SLIT2: variants seen among roughly 807,000 people sequenced by gnomAD.
SLIT2 encodes slit homolog 2 protein.
Under a neutral mutation model 185.7 loss-of-function variants are expected in SLIT2, and 41 were observed. The ratio of observed to expected loss-of-function variants is 0.22; its 90% CI spans 0.17 to 0.29. The LOEUF (loss-of-function observed/expected upper bound fraction) is 0.29. Among genes scored for constraint, SLIT2 ranks in the 10% least tolerant of loss-of-function variants. SLIT2 has a pLI of 1.00. For synonymous variants in SLIT2, 693 were observed against 680.2 expected, an observed-to-expected ratio of 1.02 and a Z score of -0.29; for missense variants, 1,571 against 1,909.0, an observed-to-expected ratio of 0.82 and a Z score of 3.30.
chr4:20,384,711 G>A (rs1724798694), intron 4 of SLIT2, among the ~76,000 whole-genome samples: 2 of 152,060 alleles, frequency 1.3e-5, no homozygotes, highest in Admixed American at 6.6e-5. Context: ...GCCACATAAG[G>A]AGATTAGCAC....
At chr4:20,560,647 T>G (rs951908418) in intron 26 of SLIT2, among the ~76,000 whole-genome samples, 1 of 151,952 alleles carries the variant, frequency 6.6e-6, no homozygotes, top group Admixed American at 6.6e-5. Context: ...AATATTCCCT[T>G]TATTTCTCTT....
At chr4:20,472,416 CTA>C (rs1235533040) in intron 5 of SLIT2, among the ~76,000 whole-genome samples, 28 of 55,522 alleles carry the variant, frequency 5.0e-4, no homozygotes, top group South Asian at 3.8e-3. Context: ...ATCTATATAT[CTA>C]TATATATAGA....
intron 4 of SLIT2, among the ~76,000 whole-genome samples, chr4:20,437,435 G>C (rs1175104828): frequency 6.6e-6 from 1 of 152,006 alleles, no homozygotes; most frequent in Non-Finnish European, 1.5e-5. Flanking sequence ...GGCAACATAG[G>C]GAGACCCTGT....
intron 4 of SLIT2, among the ~76,000 whole-genome samples, chr4:20,454,455 A>C (rs984866801): frequency 4.6e-5 from 7 of 152,308 alleles, no homozygotes; most frequent in Non-Finnish European, 8.8e-5. Context: ...ACAAGTTGGC[A>C]TACTCATTTA....
chr4:20,613,695 A>G (rs926007705), intron 34 of SLIT2, among the ~76,000 whole-genome samples: 3 of 152,164 alleles, frequency 2.0e-5, no homozygotes, highest in Admixed American at 1.3e-4. Flanking sequence ...AACTTAAGAT[A>G]AAAGTTAAAA....
At position 20,539,458 on chromosome 4, in the gene SLIT2, G is replaced by A. The variant is rs372629514; in HGVS notation, c.1850G>A (p.Arg617Gln). The A allele has an allele frequency of 4.3e-5, 70 of 1,612,194 alleles. No individual in the cohort carries two copies. The highest frequency in any genetic ancestry group is 3.3e-4 in the Middle Eastern group (2 of 6,050). Residue 617 changes from arginine to glutamine, a missense_variant, in exon 19 of 37, where the codon CGA becomes CAA. Physicochemically the swap from Arg to Gln is conservative, Grantham distance 43. This residue lies in a region of SLIT2 where 1,202 missense variants were observed against 1,416.4 expected (regional missense o/e 0.85). Transcript: ENST00000504154. ...SLKTLMLRSN[R>Q]ITCVGNDSFI... ...CCCCTCAGGATGTTGAGAAGCAATC[G>A]AATAACCTGTGTGGGGAATGACAGT...
chr4:20,380,218 A>G (rs939782223), intron 4 of SLIT2, among the ~76,000 whole-genome samples: 2 of 152,318 alleles, frequency 1.3e-5, no homozygotes, highest in South Asian at 4.1e-4. Context: ...TTAGTCCCAG[A>G]TCAAATGCTC....
At chr4:20,511,201 A>T in intron 11 of SLIT2, 64 bp downstream of exon 11, 1 of 911,078 alleles carries the variant, frequency 1.1e-6, no homozygotes, top group Non-Finnish European at 1.8e-6. Flanking sequence ...TACCTTTTTT[A>T]AATTGGGGTT....
intron 4 of SLIT2, among the ~76,000 whole-genome samples, chr4:20,341,628 A>T (rs952988871): frequency 6.6e-6 from 1 of 152,208 alleles, no homozygotes; most frequent in African/African-American, 2.4e-5. Flanking sequence ...ATCTAGGGGA[A>T]GTATTCAGGT....
At chr4:20,280,993 C>T (rs747537475) in intron 4 of SLIT2, among the ~76,000 whole-genome samples, 91 of 152,072 alleles carry the variant, frequency 6.0e-4, no homozygotes, top group Non-Finnish European at 9.1e-4. Context: ...CCACCACGCC[C>T]GGCTGATTTT....
intron 4 of SLIT2, among the ~76,000 whole-genome samples, chr4:20,397,367 C>T (rs1250549519): frequency 6.6e-6 from 1 of 151,782 alleles, no homozygotes; most frequent in Non-Finnish European, 1.5e-5. Flanking sequence ...AATAGGATAA[C>T]AGATACTACA....
intron 4 of SLIT2, among the ~76,000 whole-genome samples, chr4:20,428,012 T>A (rs1480225798): frequency 1.3e-5 from 2 of 152,120 alleles, no homozygotes; most frequent in Non-Finnish European, 2.9e-5. Flanking sequence ...ACTACCACAA[T>A]GCAAAGTCAG....
intron 3 of SLIT2, among the ~76,000 whole-genome samples, 193 bp downstream of exon 3, chr4:20,258,132 A>T (rs1712048187): frequency 6.6e-6 from 1 of 151,904 alleles, no homozygotes; most frequent in African/African-American, 2.4e-5. Context: ...CTTGTAATTA[A>T]GCTCAAAAAT....
At chr4:20,292,991 A>G (rs1319645420) in intron 4 of SLIT2, among the ~76,000 whole-genome samples, 2 of 152,178 alleles carry the variant, frequency 1.3e-5, no homozygotes, top group African/African-American at 2.4e-5. Flanking sequence ...GGCAATAGAG[A>G]CTTCACTTTA....
At chr4:20,321,002 A>G (rs1719029753) in intron 4 of SLIT2, among the ~76,000 whole-genome samples, 1 of 152,198 alleles carries the variant, frequency 6.6e-6, no homozygotes, top group African/African-American at 2.4e-5. Context: ...TGTCTCTGCT[A>G]AAAATTAGCC....
chr4:20,543,074 CT>C (rs573556407), intron 21 of SLIT2, among the ~76,000 whole-genome samples: 57 of 148,790 alleles, frequency 3.8e-4, no homozygotes, highest in South Asian at 8.6e-4. Flanking sequence ...GTACAGGAAA[CT>C]TTTTTTTTTA....
chr4:20,510,630 A>AG (rs2148825085), intron 10 of SLIT2, 64 bp downstream of exon 10: 2 of 1,006,694 alleles, frequency 2.0e-6, no homozygotes, highest in East Asian at 4.8e-5. Flanking sequence ...GAGACCATGC[A>AG]AAGAAACTTA....
At chr4:20,451,214 G>C (rs144920430) in intron 4 of SLIT2, among the ~76,000 whole-genome samples, 1,977 of 152,252 alleles carry the variant, frequency 0.013, 44 homozygotes, top group African/African-American at 0.046. Flanking sequence ...TCCACTGTCA[G>C]TAGCTGTCAC....
intron 4 of SLIT2, among the ~76,000 whole-genome samples, chr4:20,326,017 G>A (rs1037670804): frequency 2.6e-5 from 4 of 151,990 alleles, no homozygotes; most frequent in Admixed American, 1.3e-4. Context: ...AGTGTTTCTA[G>A]TATATTCTTG....
Sources: allele counts gnomAD v4.1 joint callset (sites outside exome capture counted in the v4.1 genomes callset), GRCh38; gene constraint gnomAD v4.1.1; regional missense constraint gnomAD v4.1.1; transcripts MANE v1.5; gene names NCBI Gene and HGNC (gene_info 2026-07-23, HGNC 2026-07-21).